The following DLGAP1 variants were observed in gnomAD, a reference collection of about 807,000 sequenced individuals.
DLGAP1 encodes disks large-associated protein 1.
DLGAP1 carries 11 observed loss-of-function variants against 90.8 expected under a neutral mutation model. The ratio of observed to expected loss-of-function variants is 0.12; its 90% CI spans 0.08 to 0.20. The LOEUF (loss-of-function observed/expected upper bound fraction) is 0.20. DLGAP1 is among the 10% of genes least tolerant of loss of function. The probability of loss-of-function intolerance (pLI) is 1.00; values close to 1 mark genes in which losing one functional copy is unlikely to be tolerated. For synonymous variants in DLGAP1, 558 were observed against 540.7 expected (o/e 1.03, Z -0.44); for missense variants, 1,050 against 1,333.8 (o/e 0.79, Z 3.31).
chr18:3,988,021 T>C (rs2073877469), intron 3 of DLGAP1, among the ~76,000 whole-genome samples: 1 of 152,120 alleles, frequency 6.6e-6, no homozygotes, highest in African/African-American at 2.4e-5. Flanking sequence ...ATTATTACAT[T>C]GTAATATGTA....
Position 3,502,620 on chromosome 18 carries a change from G to T in DLGAP1, c.2597C>A (p.Thr866Asn). 2.5e-6 allele frequency: 4 copies of T among 1,614,098 alleles called. No homozygotes were observed. Among genetic ancestry groups the T allele is most frequent in the Non-Finnish European group, 3.4e-6 (4 of 1,180,002 alleles). ...CCAAAACCCCGCCAAATCCTGGGAG[G>T]TGGGTCTTGGATGAGCATTAGGATT... ...NLNPNAHPRPTSQDLAGFWDM... is the reference protein window; with the variant it reads ...NLNPNAHPRPNSQDLAGFWDM... Residue 866 changes from threonine to asparagine, a missense_variant, in exon 12 of 13, where the codon ACC becomes AAC. Around this residue, in one of 2 missense-constraint regions of DLGAP1, gnomAD observed 565 missense variants for 879.7 expected, o/e 0.64. Coordinates refer to ENST00000315677, the MANE Select transcript of DLGAP1 (RefSeq NM_004746.4).
chr18:4,006,737 C>A (rs940636489), intron 2 of DLGAP1, among the ~76,000 whole-genome samples: 1 of 151,916 alleles, frequency 6.6e-6, no homozygotes, highest in Non-Finnish European at 1.5e-5. Flanking sequence ...CCTTGACCCC[C>A]AGTGTTCAAG....
intron 2 of DLGAP1, among the ~76,000 whole-genome samples, chr18:4,122,605 C>T (rs1212144758): frequency 6.6e-6 from 1 of 152,110 alleles, no homozygotes; most frequent in Non-Finnish European, 1.5e-5. Flanking sequence ...AATTCTAGGA[C>T]CTGAGCTAAA....
chr18:3,636,633 C>G (rs981895890), intron 7 of DLGAP1, among the ~76,000 whole-genome samples: 1 of 151,050 alleles, frequency 6.6e-6, no homozygotes, highest in African/African-American at 2.4e-5. Context: ...CCAGGCTGGT[C>G]TCAAACTCCT....
chr18:3,980,196 GAGAT>G, intron 3 of DLGAP1, among the ~76,000 whole-genome samples: 2 of 152,180 alleles, frequency 1.3e-5, no homozygotes, highest in Non-Finnish European at 2.9e-5. Flanking sequence ...AAGATAATGG[GAGAT>G]AGAGATGGTG....
intron 1 of DLGAP1, among the ~76,000 whole-genome samples, chr18:4,286,554 A>T (rs2079697767): frequency 6.6e-6 from 1 of 152,148 alleles, no homozygotes; most frequent in Non-Finnish European, 1.5e-5. Context: ...CGTTTAGCAC[A>T]GGATTAAAAG....
intron 4 of DLGAP1, among the ~76,000 whole-genome samples, chr18:3,841,544 G>A (rs2068717046): frequency 6.6e-6 from 1 of 152,100 alleles, no homozygotes; most frequent in African/African-American, 2.4e-5. Flanking sequence ...TAAATCACGT[G>A]GAAAATAGAA....
intron 5 of DLGAP1, among the ~76,000 whole-genome samples, chr18:3,777,499 T>C (rs546438796): frequency 1.2e-4 from 19 of 152,334 alleles, no homozygotes; most frequent in African/African-American, 4.3e-4. Flanking sequence ...ATGGGTTATA[T>C]AAGTTTATAT....
At position 4,247,664 on chromosome 18, in the gene DLGAP1, C is replaced by A. The variant is rs541209263; in HGVS notation, c.-266-96377G>T. Among the ~76,000 whole-genome samples the A allele has an allele frequency of 3.9e-5, 6 of 152,246 alleles. No homozygotes were observed. The South Asian group carries it at 1.2e-3, about 32-fold the overall frequency. On this transcript the variant is annotated intron_variant, in intron 1 of 12. Coordinates refer to ENST00000315677, the MANE Select transcript of DLGAP1 (RefSeq NM_004746.4). ...TGGTGGCAGGCGCCTGTAATCCCAG[C>A]TACTCCAGAGGCTGAGGCAGGAGAA... is the stretch of plus-strand genomic sequence containing the variant.
intron 3 of DLGAP1, among the ~76,000 whole-genome samples, chr18:3,885,087 A>T (rs1351691287): frequency 6.6e-6 from 1 of 152,210 alleles, no homozygotes; most frequent in Non-Finnish European, 1.5e-5. Flanking sequence ...TAAAATCCTA[A>T]GGCCATTGGC....
intron 7 of DLGAP1, among the ~76,000 whole-genome samples, chr18:3,713,112 C>T (rs1284514196): frequency 6.6e-6 from 1 of 152,180 alleles, no homozygotes; most frequent in Non-Finnish European, 1.5e-5. Flanking sequence ...ACAGGATAGA[C>T]CCTGAACCAC....
At chr18:4,039,601 A>G (rs950388094) in intron 2 of DLGAP1, among the ~76,000 whole-genome samples, 1 of 152,212 alleles carries the variant, frequency 6.6e-6, no homozygotes, top group Non-Finnish European at 1.5e-5. Flanking sequence ...CAGAAAAATG[A>G]GAAGAATGTG....
intron 1 of DLGAP1, among the ~76,000 whole-genome samples, chr18:4,368,069 CATT>C (rs760160097): frequency 5.3e-5 from 8 of 151,948 alleles, no homozygotes; most frequent in Non-Finnish European, 1.0e-4. Context: ...ATGGGCAACA[CATT>C]AGACTATATT....
intron 7 of DLGAP1, among the ~76,000 whole-genome samples, chr18:3,719,134 C>T (rs910509985): frequency 6.6e-6 from 1 of 151,874 alleles, no homozygotes; most frequent in Non-Finnish European, 1.5e-5. Flanking sequence ...TTGGAGAGGG[C>T]AAAGAGACTT....
rs1364049664 is a variant in DLGAP1 at position 3,653,128 on chromosome 18, C to T, written c.1592-70880G>A. Among the ~76,000 whole-genome samples, 1 of 152,134 alleles carries T rather than the reference C, an allele frequency of 6.6e-6. No homozygotes were observed. The highest frequency in any genetic ancestry group is 1.5e-5 in the Non-Finnish European group (1 of 68,030). ...GCCCTACTGGTGAAAATATGTAGACCTAACATCTATCTCCCTGCTCCAGTT... is the reference window on the plus strand; with the variant it reads ...GCCCTACTGGTGAAAATATGTAGACTTAACATCTATCTCCCTGCTCCAGTT... On this transcript the variant is annotated intron_variant, in intron 7 of 12. Coordinates refer to ENST00000315677, the MANE Select transcript of DLGAP1 (RefSeq NM_004746.4). The surrounding 1 kb of genome is among the most constrained non-coding windows in gnomAD (Gnocchi z 4.6).
intron 7 of DLGAP1, among the ~76,000 whole-genome samples, chr18:3,689,444 A>C (rs1254821657): frequency 6.6e-6 from 1 of 152,222 alleles, no homozygotes; most frequent in Non-Finnish European, 1.5e-5. Context: ...GAATGTCTGA[A>C]AAATAATCTC....
chr18:4,348,733 G>T (rs1453855501), intron 1 of DLGAP1, among the ~76,000 whole-genome samples: 2 of 152,048 alleles, frequency 1.3e-5, no homozygotes, highest in African/African-American at 4.8e-5. Context: ...CGTGGCATCA[G>T]AGTCACCCTG....
chr18:3,985,388 G>T (rs2073821437), intron 3 of DLGAP1, among the ~76,000 whole-genome samples: 1 of 152,090 alleles, frequency 6.6e-6, no homozygotes, highest in Non-Finnish European at 1.5e-5. Flanking sequence ...AAAAAGTTAA[G>T]CTAATTACAG....
At chr18:4,074,951 A>G (rs1381586945) in intron 2 of DLGAP1, among the ~76,000 whole-genome samples, 1 of 152,218 alleles carries the variant, frequency 6.6e-6, no homozygotes, top group Non-Finnish European at 1.5e-5. Flanking sequence ...TAAAACTTCC[A>G]GATTCTAGTA....
Sources: allele counts gnomAD v4.1 joint callset (sites outside exome capture counted in the v4.1 genomes callset), GRCh38; gene constraint gnomAD v4.1.1; regional missense constraint gnomAD v4.1.1; non-coding constraint Gnocchi (gnomAD v3.1); transcripts MANE v1.5; gene names NCBI Gene and HGNC (gene_info 2026-07-23, HGNC 2026-07-21).